The following MMP17 variants were observed in gnomAD, a reference collection of about 807,000 sequenced individuals.
MMP17 encodes matrix metallopeptidase 17.
In MMP17, 54 loss-of-function variants were observed where a neutral mutation model predicts 49.1. The observed-to-expected ratio is 1.10, with a 90% CI of 0.88 to 1.38. The LOEUF is 1.38. Ranked by LOEUF, MMP17 falls within the 40% of genes most tolerant of loss-of-function variation. The probability of loss-of-function intolerance (pLI) is 0.00; values close to 1 mark genes in which losing one functional copy is unlikely to be tolerated. For missense variants in MMP17, 837 were observed against 853.7 expected (o/e 0.98, Z 0.24); for synonymous variants, 397 against 383.1 (o/e 1.04, Z -0.42).
At chr12:131,844,258 C>G (rs1273014304) in intron 6 of MMP17, 177 bp downstream of exon 6, 3 of 610,618 alleles carry the variant, frequency 4.9e-6, no homozygotes, top group East Asian at 6.2e-5. Flanking sequence ...CCGGCCCTCC[C>G]CTGCCAGGGG....
rs184269105 is a variant in MMP17, at chr12:131,849,996, G to A, written c.1399G>A (p.Ala467Thr). The change falls in exon 9 of 10, where the codon GCC becomes ACC. Residue 467 changes from alanine (A) to threonine (T), a missense_variant. Transcript: ENST00000360564. Reference protein sequence around the residue: ...HTRHMDPGYPAQSPLWRGVPS... With the variant: ...HTRHMDPGYPTQSPLWRGVPS... ...GAGGCACATGGACCCCGGCTACCCC[G>A]CCCAGAGCCCCCTGTGGAGGGGTGT... 1.8e-5 allele frequency: 29 copies of A among 1,613,616 alleles called. No homozygotes were observed. Among genetic ancestry groups the A allele is most frequent in the Middle Eastern group, 3.3e-4 (2 of 6,058 alleles).
chr12:131,840,315 C>T (rs1023488544), intron 3 of MMP17: 81 of 470,210 alleles, frequency 1.7e-4, no homozygotes, highest in Non-Finnish European at 2.8e-4. Context: ...TGGCTCCACG[C>T]GGGAGCTGAC....
intron 8 of MMP17, among the ~76,000 whole-genome samples, chr12:131,849,356 C>CAT (rs1566094918): frequency 6.6e-6 from 1 of 152,098 alleles, no homozygotes; most frequent in Non-Finnish European, 1.5e-5. Flanking sequence ...TGGTGGTGGG[C>CAT]GCCTGTAATC....
chr12:131,833,019 G>A (rs1454123922), intron 1 of MMP17, among the ~76,000 whole-genome samples: 2 of 152,218 alleles, frequency 1.3e-5, no homozygotes, highest in African/African-American at 4.8e-5. Flanking sequence ...ACAGCACAGT[G>A]GTCACAGGCG....
intron 1 of MMP17, among the ~76,000 whole-genome samples, chr12:131,831,247 C>G (rs1886778896): frequency 1.3e-5 from 2 of 152,206 alleles, no homozygotes; most frequent in African/African-American, 2.4e-5. Flanking sequence ...ACAAGCTGCT[C>G]TAAAGTTTCT....
chr12:131,836,720 A>G (rs1404234428), intron 1 of MMP17, among the ~76,000 whole-genome samples: 3 of 150,226 alleles, frequency 2.0e-5, no homozygotes, highest in African/African-American at 7.3e-5. Context: ...AGCCCCCAGC[A>G]CATCACCCCT....
At position 131,830,626 on chromosome 12, in the gene MMP17, C is replaced by G. The variant is rs1429883168; in HGVS notation, c.159+1973C>G. 7.2e-5 allele frequency among the ~76,000 whole-genome samples: 11 copies of G among 152,350 alleles called. No homozygotes were observed. In the South Asian group the frequency reaches 1.4e-3, roughly 20 times the overall value. ...GCGGGAGCGGGGACTCCTCCTCCGC[C>G]CGCTCGCCGGAGGCGCTCCCGGAGT... On this transcript the variant is annotated intron_variant, in intron 1 of 9. Coordinates refer to ENST00000360564, the MANE Select transcript of MMP17 (RefSeq NM_016155.7).
chr12:131,841,484 A>G, intron 4 of MMP17, 140 bp from the exon 5 acceptor site: 1 of 878,528 alleles, frequency 1.1e-6, no homozygotes, highest in Non-Finnish European at 1.8e-6. Flanking sequence ...ATTCCCAGTA[A>G]CCCTGCAGAA....
chr12:131,834,979 C>A (rs1195954768), intron 1 of MMP17, among the ~76,000 whole-genome samples: 1 of 152,180 alleles, frequency 6.6e-6, no homozygotes, highest in East Asian at 1.9e-4. Flanking sequence ...TCAGGAGGCC[C>A]CCTGGGGCAG....
In MMP17 at chr12:131,828,487, T is replaced by G; in HGVS notation, c.-8T>G. The G allele has an allele frequency of 1.0e-6, 1 of 992,146 alleles. No homozygotes were observed. Among genetic ancestry groups the G allele is most frequent in the Non-Finnish European group, 1.2e-6 (1 of 835,392 alleles). 61.5% of individuals were successfully genotyped at this position (992,146 alleles called of 1,614,324 possible). A position where few individuals can be genotyped will look rare whatever the true frequency, so the allele number is the denominator to read the frequency against. On this transcript the variant is annotated 5_prime_UTR_variant, in exon 1 of 10. The change abolishes the stop of an existing upstream ORF in the 5' untranslated region. Coordinates refer to ENST00000360564, the MANE Select transcript of MMP17 (RefSeq NM_016155.7). Reference sequence around the variant, plus strand: ...CCTGCACGCCGCCCGCGGGCCCATGTGAGCGCCATGCGGCGCCGCGCAGCC... The same window carrying G: ...CCTGCACGCCGCCCGCGGGCCCATGGGAGCGCCATGCGGCGCCGCGCAGCC...
At chr12:131,847,604 A>G (rs1303701238) in intron 8 of MMP17, among the ~76,000 whole-genome samples, 1 of 152,132 alleles carries the variant, frequency 6.6e-6, no homozygotes, top group Non-Finnish European at 1.5e-5. Flanking sequence ...CACACATTAG[A>G]AGTGTTCAGG....
intron 6 of MMP17, 73 bp from the exon 7 acceptor site, chr12:131,845,045 G>A (rs1593235301): frequency 7.2e-7 from 1 of 1,382,456 alleles, no homozygotes; most frequent in Non-Finnish European, 9.9e-7. Flanking sequence ...CAGGTCAGGG[G>A]CTCTGCCGCA....
intron 9 of MMP17, among the ~76,000 whole-genome samples, chr12:131,850,489 C>T (rs10902457): frequency 0.56 from 85,090 of 152,120 alleles, 25,041 homozygotes; most frequent in Middle Eastern, 0.73. Flanking sequence ...GCTCCAGGGA[C>T]GGCAGCATCC....
chr12:131,844,051 C>T lies in MMP17; in HGVS notation c.938C>T (p.Pro313Leu), dbSNP rs144599834. ...CAGCCCGAGGAGCCTCCCCTGCTGCCGGAGCCCCCAGACAACCGGTCCAGC... is the reference window on the plus strand; with the variant it reads ...CAGCCCGAGGAGCCTCCCCTGCTGCTGGAGCCCCCAGACAACCGGTCCAGC... Reference protein sequence around the residue: ...TAQPEEPPLLPEPPDNRSSAP... With the variant: ...TAQPEEPPLLLEPPDNRSSAP... Residue 313 changes from proline (P) to leucine (L), a missense_variant, in exon 6 of 10, where the codon CCG becomes CTG. Transcript: ENST00000360564. 136 of 1,568,958 alleles carry T rather than the reference C, an allele frequency of 8.7e-5. No individual in the cohort carries two copies. Among genetic ancestry groups the T allele is most frequent in the Middle Eastern group, 8.6e-4 (5 of 5,832 alleles).
rs751898074 is a variant in MMP17, at chr12:131,845,326, C to A, written c.1081C>A (p.Arg361=). 3.7e-6 allele frequency: 6 copies of A among 1,605,416 alleles called. 1 individual carries two copies. The African/African-American group carries it at 5.3e-5, about 14-fold the overall frequency. The stretch of plus-strand genomic sequence containing the variant: ...GTACTTCTGGCGGCTGACGCGGGAC[C>A]GGCACCTGGTGTCCCTGCAGCCGGC... The part of the protein sequence containing the change: ...GKYFWRLTRD[R]HLVSLQPAQM... The change falls in exon 8 of 10, where the codon CGG becomes AGG. Residue 361 remains arginine, a synonymous_variant. Coordinates refer to ENST00000360564, the MANE Select transcript of MMP17 (RefSeq NM_016155.7).
rs570080851 is a variant in MMP17 at position 131,835,998 on chromosome 12, G to T, written c.160-2197G>T. ...CCTGGAGGTCAGGGCGGAAGTGGGA[G>T]GCCAGCTTGTCAAGGCCAAGGCTGT... On this transcript the variant is annotated intron_variant, in intron 1 of 9. Coordinates refer to ENST00000360564, the MANE Select transcript of MMP17 (RefSeq NM_016155.7). Among the ~76,000 whole-genome samples the T allele has an allele frequency of 2.0e-5, 3 of 152,276 alleles. No individual in the cohort carries two copies. In the East Asian group the frequency reaches 5.8e-4, roughly 29 times the overall value.
chr12:131,837,455 A>G (rs1335850282), intron 1 of MMP17, among the ~76,000 whole-genome samples: 3 of 152,082 alleles, frequency 2.0e-5, no homozygotes, highest in Non-Finnish European at 4.4e-5. Context: ...CCATGAATGT[A>G]CAGCATGGCC....
chr12:131,850,228 C>T (rs945411958), intron 9 of MMP17, among the ~76,000 whole-genome samples, 169 bp downstream of exon 9: 4 of 152,146 alleles, frequency 2.6e-5, no homozygotes, highest in Non-Finnish European at 4.4e-5. Flanking sequence ...CAGGCGTCCC[C>T]GAGTCGCTCC....
intron 1 of MMP17, chr12:131,837,990 G>T: frequency 1.8e-6 from 1 of 540,820 alleles, no homozygotes; most frequent in Non-Finnish European, 3.1e-6. Flanking sequence ...GATTACAGGC[G>T]TGAGCCACAG....
Sources: gnomAD v4.1 joint callset for allele counts (sites outside exome capture counted in the v4.1 genomes callset) on GRCh38, gnomAD v4.1.1 for gene constraint, MANE v1.5 for transcripts, NCBI Gene and HGNC (gene_info 2026-07-23, HGNC 2026-07-21) for gene names.